The following HIF1AN variants were observed in gnomAD, a reference collection of about 807,000 sequenced individuals.
HIF1AN encodes the protein hypoxia-inducible factor 1-alpha inhibitor.
A neutral mutation model predicts 47.7 loss-of-function variants in HIF1AN; 21 were observed. The ratio of observed to expected loss-of-function variants is 0.44; its 90% CI spans 0.31 to 0.63. HIF1AN has a LOEUF of 0.63. Ranked by LOEUF, HIF1AN falls within the 30% of genes least tolerant of loss-of-function variation. The probability of loss-of-function intolerance (pLI) is 0.07; values close to 1 mark genes in which losing one functional copy is unlikely to be tolerated. For synonymous variants in HIF1AN, 152 were observed against 155.9 expected (o/e 0.98, Z 0.18); for missense variants, 320 against 432.7 (o/e 0.74, Z 2.31).
chr10:100,552,549 T>C lies in HIF1AN; in HGVS notation c.*4412T>C, dbSNP rs188100820. ...GCCTGCATACTTCTCTGATGTCTTC[T>C]CAAACTGTTGGCTCTAAAGGGATGT... On this transcript the variant is annotated 3_prime_UTR_variant, in exon 8 of 8. Coordinates refer to ENST00000299163, the MANE Select transcript of HIF1AN (RefSeq NM_017902.3). 1 of 152,518 alleles carries C rather than the reference T, an allele frequency of 6.6e-6. No homozygotes were observed. The highest frequency in any genetic ancestry group is 6.5e-5 in the Admixed American group (1 of 15,312). The allele number at this position is 152,518 out of a possible 1,614,324, so 9.4% of individuals were successfully genotyped here. A position where few individuals can be genotyped will look rare whatever the true frequency, so the allele number is the denominator to read the frequency against.
chr10:100,546,153 G>A (rs1438825536), intron 5 of HIF1AN, 104 bp downstream of exon 5: 2 of 824,856 alleles, frequency 2.4e-6, no homozygotes, highest in Non-Finnish European at 4.1e-6. Context: ...TTGGTTTTAT[G>A]TGGTCTATAG....
chr10:100,548,024 GAC>G, intron 7 of HIF1AN, 67 bp from the exon 8 acceptor site: 2 of 1,456,946 alleles, frequency 1.4e-6, no homozygotes, highest in Non-Finnish European at 1.9e-6. Context: ...GATGTCTCCA[GAC>G]ACACCCTGTC....
In HIF1AN at chr10:100,549,608, G is replaced by A. The variant is rs191804221; in HGVS notation, c.*1471G>A. The A allele has an allele frequency of 1.1e-4, 17 of 152,386 alleles. No homozygotes were observed. The highest frequency in any genetic ancestry group is 1.1e-3 in the Admixed American group (17 of 15,300). 9.4% of individuals were successfully genotyped at this position (152,386 alleles called of 1,614,324 possible). ...GGCAGCTGTGATTGCACAACTTGAA[G>A]GGCCATCATTCACATCTATTCAGTG... On this transcript the variant is annotated 3_prime_UTR_variant, in exon 8 of 8. Transcript: ENST00000299163.
rs1843130259 is a variant in HIF1AN at position 100,549,168 on chromosome 10, A to T, written c.*1031A>T. On this transcript the variant is annotated 3_prime_UTR_variant, in exon 8 of 8. Coordinates refer to ENST00000299163, the MANE Select transcript of HIF1AN (RefSeq NM_017902.3). The stretch of plus-strand genomic sequence containing the variant: ...TGCTTACCTTTTCCAGTGGGACAGT[A>T]CAGTGTGAGCCCCCGGGAAGTACTG... 1 of 152,218 alleles carries T rather than the reference A, an allele frequency of 6.6e-6. No individual in the cohort carries two copies. Among genetic ancestry groups the T allele is most frequent in the Non-Finnish European group, 1.5e-5 (1 of 68,108 alleles). 9.4% of individuals were successfully genotyped at this position (152,218 alleles called of 1,614,324 possible).
rs1843236250 is a variant in HIF1AN at position 100,559,002 on chromosome 10, AGT to A, written c.*10870_*10871del. The A allele has an allele frequency of 6.6e-6, 1 of 151,916 alleles. No individual in the cohort carries two copies. The allele number at this position is 151,916 out of a possible 1,614,324, so 9.4% of individuals were successfully genotyped here. On this transcript the variant is annotated 3_prime_UTR_variant, in exon 8 of 8. Coordinates refer to ENST00000299163, the MANE Select transcript of HIF1AN (RefSeq NM_017902.3). ...GTTTGCTTTGTAATGCCAACTAAAA[AGT>A]GTGTATTTATACTCGAATTTTAAGT...
In HIF1AN at chr10:100,558,464, G is replaced by A. The variant is rs543036162; in HGVS notation, c.*10327G>A. 6.6e-6 allele frequency: 1 copy of A among 152,260 alleles called. No homozygotes were observed. Among genetic ancestry groups the A allele is most frequent in the East Asian group, 1.9e-4 (1 of 5,180 alleles). 9.4% of individuals were successfully genotyped at this position (152,260 alleles called of 1,614,324 possible). ...AAAAACAAACACTCTTAAGAGCAGT[G>A]GTTCACCTAGAAATAAAAAGCAGAA... On this transcript the variant is annotated 3_prime_UTR_variant, in exon 8 of 8. Transcript: ENST00000299163.
rs1357831836 is a variant in HIF1AN at position 100,542,503 on chromosome 10, G to A, written c.577+1721G>A. Among the ~76,000 whole-genome samples, 8 of 152,046 alleles carry A rather than the reference G, an allele frequency of 5.3e-5. No individual in the cohort carries two copies. The East Asian group carries it at 7.7e-4, about 15-fold the overall frequency. On this transcript the variant is annotated intron_variant, in intron 3 of 7. Coordinates refer to ENST00000299163, the MANE Select transcript of HIF1AN (RefSeq NM_017902.3). ...CAAGTAGCTGGGACTACGGGCGCCC[G>A]CCACCACACCTGGCTAATTTTTTTT...
At chr10:100,536,746 G>A in intron 2 of HIF1AN, 85 bp downstream of exon 2, 1 of 1,488,482 alleles carries the variant, frequency 6.7e-7, no homozygotes, top group South Asian at 1.2e-5. Flanking sequence ...GGCAGAATTG[G>A]GTCAATTAGA....
intron 4 of HIF1AN, 127 bp from the exon 5 acceptor site, chr10:100,545,816 T>C: frequency 3.0e-6 from 2 of 663,562 alleles, no homozygotes; most frequent in East Asian, 2.5e-5. Flanking sequence ...AAATTCCAAA[T>C]ACTTTTTTTA....
rs769718105 is a variant in HIF1AN, at chr10:100,545,017, G to T, written c.644G>T (p.Arg215Leu). The T allele has an allele frequency of 1.9e-6, 3 of 1,614,168 alleles. No individual in the cohort carries two copies. The highest frequency in any genetic ancestry group is 2.5e-6 in the Non-Finnish European group (3 of 1,180,016). Reference sequence around the variant, plus strand: ...TTTGCTCAGATAAAAGGTTACAAACGATGCATCTTATTCCCTCCGGATCAG... The same window carrying T: ...TTTGCTCAGATAAAAGGTTACAAACTATGCATCTTATTCCCTCCGGATCAG... ...NFFAQIKGYK[R>L]CILFPPDQFE... Residue 215 changes from arginine (R) to leucine (L), a missense_variant, in exon 4 of 8, where the codon CGA (arginine) becomes CTA (leucine). Arg to Leu is a moderately radical substitution (Grantham distance 102). Around this residue, in one of 2 missense-constraint regions of HIF1AN, gnomAD observed 161 missense variants for 272.8 expected, o/e 0.59. Coordinates refer to ENST00000299163, the MANE Select transcript of HIF1AN (RefSeq NM_017902.3).
Position 100,536,255 on chromosome 10 carries a change from G to A in HIF1AN, c.177+120G>A, listed in dbSNP as rs1006041981. The A allele has an allele frequency of 1.7e-5, 22 of 1,288,572 alleles. 1 individual carries two copies. The South Asian group carries it at 3.0e-4, about 17-fold the overall frequency. The allele number at this position is 1,288,572 out of a possible 1,614,324, so 79.8% of individuals were successfully genotyped here. A position where few individuals can be genotyped will look rare whatever the true frequency, so the allele number is the denominator to read the frequency against. On this transcript the variant is annotated intron_variant, in intron 1 of 7. Transcript: ENST00000299163. ...TCTAGACTAGGGCCTATGGGAAGATGGAGAGAAAGGCGAGGAGATACGGAA... is the reference window on the plus strand; with the variant it reads ...TCTAGACTAGGGCCTATGGGAAGATAGAGAGAAAGGCGAGGAGATACGGAA...
At chr10:100,547,828 T>C (rs1448101233) in intron 7 of HIF1AN, among the ~76,000 whole-genome samples, 1 of 151,880 alleles carries the variant, frequency 6.6e-6, no homozygotes, top group Non-Finnish European at 1.5e-5. Flanking sequence ...TCTCTGACCA[T>C]GTCTGTCCGT....
chr10:100,536,343 T>C (rs1289208184), intron 1 of HIF1AN, 68 bp from the exon 2 acceptor site: 5 of 1,572,348 alleles, frequency 3.2e-6, no homozygotes, highest in Non-Finnish European at 4.3e-6. Flanking sequence ...GTTGGGATCA[T>C]GGAGGCCAAC....
intron 2 of HIF1AN, 116 bp downstream of exon 2, chr10:100,536,777 G>C: frequency 8.6e-7 from 1 of 1,159,698 alleles, no homozygotes; most frequent in Non-Finnish European, 1.2e-6. Context: ...TCCCATCTCT[G>C]GATTCCAGTT....
intron 3 of HIF1AN, among the ~76,000 whole-genome samples, chr10:100,542,666 A>G (rs116172699): frequency 4.3e-4 from 65 of 152,190 alleles, no homozygotes; most frequent in African/African-American, 1.4e-3. Context: ...ATTCAACTTT[A>G]TCTTTTAAAT....
chr10:100,543,144 G>A (rs1003259732), intron 3 of HIF1AN, among the ~76,000 whole-genome samples: 1 of 151,964 alleles, frequency 6.6e-6, no homozygotes, highest in African/African-American at 2.4e-5. Flanking sequence ...AAAGATTTCC[G>A]GCCATGTGGC....
rs1440992806 is a variant in HIF1AN, at chr10:100,540,775, C to T, written c.570C>T (p.Gly190=). 4 of 1,603,876 alleles carry T rather than the reference C, an allele frequency of 2.5e-6. No homozygotes were observed. The African/African-American group carries it at 5.4e-5, about 22-fold the overall frequency. Residue 190 remains glycine (G), a synonymous_variant, in exon 3 of 8, where the codon GGC becomes GGT. Transcript: ENST00000299163. The part of the protein sequence containing the change: ...GQLTSNLLLI[G]MEGNVTPAHY... Reference sequence around the variant, plus strand: ...TTACCTCTAACCTGCTGCTCATTGGCATGGAAGGTAAGAAATCTTTCAAAA... The same window carrying T: ...TTACCTCTAACCTGCTGCTCATTGGTATGGAAGGTAAGAAATCTTTCAAAA...
At position 100,536,394 on chromosome 10, in the gene HIF1AN, C is replaced by G. The variant is rs1852221861; in HGVS notation, c.178-17C>G. The G allele has an allele frequency of 6.2e-7, 1 of 1,611,104 alleles. No homozygotes were observed. The highest frequency in any genetic ancestry group is 8.5e-7 in the Non-Finnish European group (1 of 1,178,102). On this transcript the variant is annotated splice_polypyrimidine_tract_variant and intron_variant, in intron 1 of 7. Coordinates refer to ENST00000299163, the MANE Select transcript of HIF1AN (RefSeq NM_017902.3). Reference sequence around the variant, plus strand: ...CATTACTTCATTTGGTGTTTTTCACCTGTTGTTTTCATTTAGGAGCCTGTG... The same window carrying G: ...CATTACTTCATTTGGTGTTTTTCACGTGTTGTTTTCATTTAGGAGCCTGTG...
rs758530314 is a variant in HIF1AN at position 100,540,631 on chromosome 10, T to C, written c.429-3T>C. 5.0e-6 allele frequency: 8 copies of C among 1,613,552 alleles called. No homozygotes were observed. The South Asian group carries it at 6.6e-5, about 13-fold the overall frequency. On this transcript the variant is annotated splice_region_variant and splice_polypyrimidine_tract_variant and intron_variant, in intron 2 of 7. Coordinates refer to ENST00000299163, the MANE Select transcript of HIF1AN (RefSeq NM_017902.3). ...AATAGGATTTTCTTCTTGGGGAACA[T>C]AGGTTGTATCTGCAGCAAACGCTCA...
Sources: allele counts gnomAD v4.1 joint callset (sites outside exome capture counted in the v4.1 genomes callset), GRCh38; gene constraint gnomAD v4.1.1; regional missense constraint gnomAD v4.1.1; transcripts MANE v1.5; gene names NCBI Gene and HGNC (gene_info 2026-07-23, HGNC 2026-07-21).